Variants in MYH2 observed in about 807,000 individuals in gnomAD.
MYH2 encodes myosin-2.
A neutral mutation model predicts 228.1 loss-of-function variants in MYH2; 139 were observed. That is an observed-to-expected ratio of 0.61 (90% CI 0.53 to 0.70). The LOEUF (loss-of-function observed/expected upper bound fraction) is 0.70, where lower values mean the gene tolerates loss of function less well. MYH2 is among the 30% of genes least tolerant of loss of function. The pLI, the probability that MYH2 is intolerant of heterozygous loss-of-function variation, is 0.00. For missense variants in MYH2, 1,809 were observed against 2,357.5 expected (o/e 0.77, Z 4.82); for synonymous variants, 796 against 871.1 (o/e 0.91, Z 1.52).
rs1449346280 is a variant in MYH2, at chr17:10,547,466, G to C, written c.348+9C>G. On this transcript the variant is annotated intron_variant, in intron 4 of 39. Coordinates refer to ENST00000245503, the MANE Select transcript of MYH2 (RefSeq NM_017534.6). Reference sequence around the variant, plus strand: ...ATGATTATACAGAGCACTGGCAGGGGACACTCACGTAGATCATCCAGGCTG... The same window carrying C: ...ATGATTATACAGAGCACTGGCAGGGCACACTCACGTAGATCATCCAGGCTG... 2.5e-6 allele frequency: 4 copies of C among 1,613,936 alleles called. No homozygotes were observed. In the African/African-American group the frequency reaches 5.3e-5, roughly 22 times the overall value.
intron 19 of MYH2, among the ~76,000 whole-genome samples, chr17:10,533,888 G>A (rs12938380): frequency 6.6e-6 from 1 of 152,052 alleles, no homozygotes. Flanking sequence ...TTAAGAAAGG[G>A]ACACATTATG....
Position 10,528,047 on chromosome 17 carries a change from C to CTT in MYH2, c.3745-175_3745-174dup, listed in dbSNP as rs71365770. Reference sequence around the variant, plus strand: ...AATGCAGAAAAATTTTTCTTTCTTTCTTTTTTTTTTTTTTTGAGACAGAGT... The same window carrying CTT: ...AATGCAGAAAAATTTTTCTTTCTTTCTTTTTTTTTTTTTTTTTGAGACAGAGT... On this transcript the variant is annotated intron_variant, in intron 27 of 39. Coordinates refer to ENST00000245503, the MANE Select transcript of MYH2 (RefSeq NM_017534.6). 8.8e-3 allele frequency among the ~76,000 whole-genome samples: 1,160 copies of CTT among 131,824 alleles called. 36 individuals carry two copies. Among genetic ancestry groups the CTT allele is most frequent in the African/African-American group, 0.03 (1,100 of 36,092 alleles). 86.5% of individuals were successfully genotyped at this position (131,824 alleles called of 152,430 possible).
At chr17:10,548,596 T>A (rs1042312800) in intron 2 of MYH2, among the ~76,000 whole-genome samples, 2 of 152,200 alleles carry the variant, frequency 1.3e-5, no homozygotes, top group Non-Finnish European at 2.9e-5. Context: ...TCTGACATAA[T>A]TTTTTGCATA....
intron 4 of MYH2, among the ~76,000 whole-genome samples, chr17:10,546,696 G>A (rs2073638220): frequency 6.6e-6 from 1 of 151,706 alleles, no homozygotes; most frequent in Admixed American, 6.6e-5. Flanking sequence ...TCGAGGAGGT[G>A]ACATTCCAGA....
At chr17:10,547,082 C>G (rs1489383543) in intron 4 of MYH2, among the ~76,000 whole-genome samples, 2 of 152,158 alleles carry the variant, frequency 1.3e-5, no homozygotes, top group African/African-American at 4.8e-5. Context: ...CAGAGCAAGA[C>G]TCTGTCTCAA....
Position 10,525,683 on chromosome 17 carries a change from G to A in MYH2, c.4371+10C>T. 6.2e-7 allele frequency: 1 copy of A among 1,614,200 alleles called. No homozygotes were observed. Among genetic ancestry groups the A allele is most frequent in the Non-Finnish European group, 8.5e-7 (1 of 1,180,044 alleles). On this transcript the variant is annotated intron_variant, in intron 31 of 39. Coordinates refer to ENST00000245503, the MANE Select transcript of MYH2 (RefSeq NM_017534.6). The surrounding 1 kb of genome is among the most constrained non-coding windows in gnomAD (Gnocchi z 4.2). ...GTAGAGTAAAGAGCAGAAGATGCTG[G>A]AGGAATTACCTTATCGAAGTTCCTT...
In MYH2 at chr17:10,524,035, T is replaced by C; in HGVS notation, c.5176-151A>G. 1 of 751,870 alleles carries C rather than the reference T, an allele frequency of 1.3e-6. No individual in the cohort carries two copies. The highest frequency in any genetic ancestry group is 2.1e-6 in the Non-Finnish European group (1 of 480,130). The allele number at this position is 751,870 out of a possible 1,614,324, so 46.6% of individuals were successfully genotyped here. A position where few individuals can be genotyped will look rare whatever the true frequency, so the allele number is the denominator to read the frequency against. ...AAAGGATTGTGTTATGTAATATGAT[T>C]AAATAAAATATAAATGTTATAGAAT... On this transcript the variant is annotated intron_variant, in intron 35 of 39. Transcript: ENST00000245503. This position sits in a 1 kb window ranked among gnomAD's most constrained non-coding sequence, Gnocchi z 4.7.
chr17:10,529,794 C>T, intron 23 of MYH2, 38 bp downstream of exon 23: 2 of 1,614,058 alleles, frequency 1.2e-6, no homozygotes, highest in Non-Finnish European at 1.7e-6. Flanking sequence ...TGTTGGGTGG[C>T]AGAACCTCTA....
At position 10,528,737 on chromosome 17, in the gene MYH2, C is replaced by A. The variant is rs1435997919; in HGVS notation, c.3697G>T (p.Glu1233Ter). The change falls in exon 27 of 40, where the codon GAG becomes TAG. Residue 1233 changes from glutamate to a stop codon, truncating the protein, a stop_gained. Transcript: ENST00000245503. LOFTEE classifies it high-confidence loss of function. ...ACATTACTAGCAAGGTCATCAATCT[C>A]CATCTTCATCTCACTCTTCTCCTTC... Reference protein sequence around the residue: ...LEKEKSEMKMEIDDLASNVET... With the variant: ...LEKEKSEMKM The A allele has an allele frequency of 1.2e-6, 2 of 1,613,956 alleles. No individual in the cohort carries two copies. The highest frequency in any genetic ancestry group is 2.7e-5 in the African/African-American group (2 of 74,918).
In MYH2 at chr17:10,537,764, CAT is replaced by C. The variant is rs1165655065; in HGVS notation, c.1486_1487del (p.Met496ValfsTer49). On this transcript the variant is annotated frameshift_variant, in exon 15 of 40. Transcript: ENST00000245503. LOFTEE classifies it high-confidence loss of function. This position sits in a 1 kb window ranked among gnomAD's most constrained non-coding sequence, Gnocchi z 4.0. ...TGTACTCCTCCTGCTCCAGCACGAA[CAT>C]GTGGTGGTTGAAAAACTGTTGCAGT... ...EKLQQFFNHHMFVLEQEEYKK... is the reference protein window; with the variant it reads ...EKLQQFFNHHXFVLEQEEYKK... The C allele has an allele frequency of 6.2e-7, 1 of 1,614,170 alleles. No individual in the cohort carries two copies. Among genetic ancestry groups the C allele is most frequent in the Non-Finnish European group, 8.5e-7 (1 of 1,180,028 alleles).
At chr17:10,523,257 T>G (rs1199002119) in intron 38 of MYH2, 51 bp downstream of exon 38, 1 of 1,609,206 alleles carries the variant, frequency 6.2e-7, no homozygotes, top group Admixed American at 1.7e-5. Flanking sequence ...CATATGAGTA[T>G]TTCACATAAA....
chr17:10,530,290 G>A (rs987688660), intron 22 of MYH2, among the ~76,000 whole-genome samples: 3 of 152,188 alleles, frequency 2.0e-5, no homozygotes, highest in East Asian at 1.9e-4. Context: ...CTAAAAGAAT[G>A]TATTCTACAG....
intron 16 of MYH2, 88 bp from the exon 17 acceptor site, chr17:10,536,694 A>G: frequency 7.8e-7 from 1 of 1,288,086 alleles, no homozygotes; most frequent in East Asian, 2.4e-5. Flanking sequence ...CATCGAGTGG[A>G]GCCTTTTTTC....
chr17:10,539,082 C>T (rs1375816350), intron 14 of MYH2, 123 bp downstream of exon 14: 1 of 1,567,222 alleles, frequency 6.4e-7, no homozygotes, highest in Non-Finnish European at 8.7e-7. Context: ...CAGTTACTCT[C>T]TTTTAAGGCT....
chr17:10,523,611 T>G lies in MYH2; in HGVS notation c.5357A>C (p.Glu1786Ala). Residue 1786 changes from glutamate (E) to alanine (A), a missense_variant, in exon 37 of 40, where the codon GAG (glutamate) becomes GCG (alanine). Coordinates refer to ENST00000245503, the MANE Select transcript of MYH2 (RefSeq NM_017534.6). ...KKEQDTSAHL[E>A]RMKKNMEQTV... Reference sequence around the variant, plus strand: ...CTGCTCCATGTTCTTCTTCATCCGCTCCAGGTGGGCGCTGGTGTCCTGCTC... The same window carrying G: ...CTGCTCCATGTTCTTCTTCATCCGCGCCAGGTGGGCGCTGGTGTCCTGCTC... 1.2e-6 allele frequency: 2 copies of G among 1,614,154 alleles called. No homozygotes were observed. Among genetic ancestry groups the G allele is most frequent in the Non-Finnish European group, 1.7e-6 (2 of 1,180,028 alleles).
intron 12 of MYH2, 116 bp downstream of exon 12, chr17:10,539,811 AC>A (rs1177789890): frequency 1.4e-6 from 2 of 1,435,920 alleles, no homozygotes; most frequent in Non-Finnish European, 2.0e-6. Context: ...GTATACAGAT[AC>A]TTTAAAACTT....
At position 10,529,623 on chromosome 17, in the gene MYH2, C is replaced by G. The variant is rs150248342; in HGVS notation, c.3058G>C (p.Glu1020Gln). 2.4e-5 allele frequency: 39 copies of G among 1,614,108 alleles called. No individual in the cohort carries two copies. The African/African-American group carries it at 4.8e-4, about 20-fold the overall frequency. Reference sequence around the variant, plus strand: ...TTGGTCAGGGTGTTGACTTTGTCCTCCTCTGCCTGCAGGTCATCCAGGGTC... The same window carrying G: ...TTGGTCAGGGTGTTGACTTTGTCCTGCTCTGCCTGCAGGTCATCCAGGGTC... ...QQTLDDLQAEEDKVNTLTKAK... is the reference protein window; with the variant it reads ...QQTLDDLQAEQDKVNTLTKAK... The change falls in exon 24 of 40, where the codon GAG (glutamate) becomes CAG (glutamine). Residue 1020 changes from glutamate to glutamine, a missense_variant. Around this residue, in one of 9 missense-constraint regions of MYH2, gnomAD observed 636 missense variants for 729.9 expected, o/e 0.87. Coordinates refer to ENST00000245503, the MANE Select transcript of MYH2 (RefSeq NM_017534.6).
At chr17:10,539,393 G>C (rs1192070428) in intron 13 of MYH2, 39 bp from the exon 14 acceptor site, 1 of 1,614,068 alleles carries the variant, frequency 6.2e-7, no homozygotes, top group Non-Finnish European at 8.5e-7. Flanking sequence ...GTTATTAAAG[G>C]CCTATGAAAA....
intron 2 of MYH2, 47 bp from the exon 3 acceptor site, chr17:10,547,987 A>G: frequency 6.8e-7 from 1 of 1,473,080 alleles, no homozygotes; most frequent in South Asian, 1.2e-5. Flanking sequence ...ATTGCCATGT[A>G]TACCAATAAA....
Sources: gnomAD v4.1 joint callset for allele counts (sites outside exome capture counted in the v4.1 genomes callset) on GRCh38, gnomAD v4.1.1 for gene constraint, gnomAD v4.1.1 regional missense constraint, Gnocchi (gnomAD v3.1) non-coding constraint, MANE v1.5 for transcripts, NCBI Gene and HGNC (gene_info 2026-07-23, HGNC 2026-07-21) for gene names.